The following FAM25C variants were observed in gnomAD, a reference collection of about 807,000 sequenced individuals.
FAM25C encodes protein FAM25C.
FAM25C carries 4 observed loss-of-function variants against 9.6 expected under a neutral mutation model. That is an observed-to-expected ratio of 0.42 (90% CI 0.20 to 0.95). The LOEUF is 0.95. Ranked by LOEUF, FAM25C falls within the 40% of genes least tolerant of loss-of-function variation. The pLI, the probability that FAM25C is intolerant of heterozygous loss-of-function variation, is 0.31. For synonymous variants in FAM25C, 23 were observed against 44.1 expected, an observed-to-expected ratio of 0.52 and a Z score of 1.89; for missense variants, 38 against 110.4, an observed-to-expected ratio of 0.34 and a Z score of 2.94.
intron 2 of FAM25C, among the ~76,000 whole-genome samples, chr10:47,996,321 G>GTTTGTT (rs1842799735): frequency 7.9e-6 from 1 of 126,974 alleles, no homozygotes; most frequent in Non-Finnish European, 1.7e-5. Flanking sequence ...CCAGTTTATG[G>GTTTGTT]TTTGTTTTTG....
intron 1 of FAM25C, among the ~76,000 whole-genome samples, chr10:47,997,946 G>A (rs1216023532): frequency 7.4e-5 from 11 of 148,172 alleles, no homozygotes; most frequent in African/African-American, 2.7e-4. Flanking sequence ...TCCTAGATGG[G>A]GCTCTGGGAT....
chr10:47,998,873 A>G (rs1249762034), intron 1 of FAM25C, among the ~76,000 whole-genome samples: 1 of 116,474 alleles, frequency 8.6e-6, no homozygotes, highest in Non-Finnish European at 1.9e-5. Flanking sequence ...AAACTCAGGC[A>G]AGACTTTTTC....
intron 1 of FAM25C, among the ~76,000 whole-genome samples, chr10:47,998,701 G>A (rs1842841200): frequency 7.2e-6 from 1 of 138,378 alleles, no homozygotes; most frequent in African/African-American, 2.6e-5. Context: ...GAGCCAGCAA[G>A]TCTAGCAAGC....
At chr10:47,997,832 C>T in intron 1 of FAM25C, 93 bp from the exon 2 acceptor site, 1 of 1,271,900 alleles carries the variant, frequency 7.9e-7, no homozygotes, top group South Asian at 1.3e-5. Context: ...CCGCTGCCCT[C>T]CCAGTCCAGG....
chr10:47,996,916 C>T (rs1205288504), intron 2 of FAM25C, among the ~76,000 whole-genome samples: 7 of 133,482 alleles, frequency 5.2e-5, no homozygotes, highest in African/African-American at 2.0e-4. Flanking sequence ...ACTGCAAGCT[C>T]CACCTTCCAG....
intron 2 of FAM25C, among the ~76,000 whole-genome samples, chr10:47,997,067 C>T (rs1555256584): frequency 6.7e-6 from 1 of 149,108 alleles, no homozygotes; most frequent in African/African-American, 2.5e-5. Flanking sequence ...GATCCGCCCA[C>T]CTCAGCCTCC....
chr10:47,995,475 C>T lies in FAM25C; in HGVS notation c.173G>A (p.Gly58Glu), dbSNP rs1842788327. The change falls in exon 3 of 3, where the codon GGG (glycine) becomes GAG (glutamate). Residue 58 changes from glycine to glutamate, a missense_variant. By Grantham distance (98) the Gly-to-Glu change is moderately conservative. This residue lies in a region of FAM25C where 30 missense variants were observed against 53.0 expected (regional missense o/e 0.57). Transcript: ENST00000617224. ...AEAIKKAQES[G>E]DKKMKEITET... ...GGTGATTTCCTTCATCTTTTTGTCC[C>T]CTGACTCCTGGGCTTTCTTTATGGC... 6.5e-7 allele frequency: 1 copy of T among 1,533,382 alleles called. No individual in the cohort carries two copies. Among genetic ancestry groups the T allele is most frequent in the East Asian group, 2.4e-5 (1 of 40,896 alleles). The allele number at this position is 1,533,382 out of a possible 1,614,324, so 95.0% of individuals were successfully genotyped here.
rs549335119 is a variant in FAM25C at position 47,995,357 on chromosome 10, G to T, written c.*21C>A. The T allele has an allele frequency of 1.2e-3, 1,699 of 1,465,210 alleles. 1 individual carries two copies. The highest frequency in any genetic ancestry group is 7.2e-3 in the Middle Eastern group (30 of 4,186). 90.8% of individuals were successfully genotyped at this position (1,465,210 alleles called of 1,614,324 possible). ...ATGGCTTTTTATTGAGACTGGGGAA[G>T]GGCCGTGGTAGCAGGTGCACTCACT... On this transcript the variant is annotated 3_prime_UTR_variant, in exon 3 of 3. Coordinates refer to ENST00000617224, the MANE Select transcript of FAM25C (RefSeq NM_001137548.3).
intron 2 of FAM25C, among the ~76,000 whole-genome samples, chr10:47,997,174 T>C (rs1261323184): frequency 1.4e-5 from 2 of 147,466 alleles, no homozygotes; most frequent in African/African-American, 5.0e-5. Flanking sequence ...AGTGGCATGA[T>C]CTAGGCTCAC....
intron 1 of FAM25C, among the ~76,000 whole-genome samples, 186 bp from the exon 2 acceptor site, chr10:47,997,925 A>C (rs1181803239): frequency 6.8e-6 from 1 of 146,580 alleles, no homozygotes; most frequent in Non-Finnish European, 1.5e-5. Flanking sequence ...AGACCTATAC[A>C]TCCCTGGGCA....
chr10:47,996,974 G>T (rs2132304302), intron 2 of FAM25C, among the ~76,000 whole-genome samples: 1 of 141,258 alleles, frequency 7.1e-6, no homozygotes, highest in East Asian at 2.1e-4. Context: ...TAGGACTACA[G>T]GTGCCCGCCA....
Position 47,995,328 on chromosome 10 carries a change from T to A in FAM25C, c.*50A>T. ...ATAAATCCAGCGCTCAATGTACACATGTCATGGCTTTTTATTGAGACTGGG... is the reference window on the plus strand; with the variant it reads ...ATAAATCCAGCGCTCAATGTACACAAGTCATGGCTTTTTATTGAGACTGGG... On this transcript the variant is annotated 3_prime_UTR_variant, in exon 3 of 3. Transcript: ENST00000617224. The A allele has an allele frequency of 7.7e-7, 1 of 1,306,342 alleles. No homozygotes were observed. Among genetic ancestry groups the A allele is most frequent in the Non-Finnish European group, 1.1e-6 (1 of 947,164 alleles). The allele number at this position is 1,306,342 out of a possible 1,614,324, so 80.9% of individuals were successfully genotyped here.
rs1205693028 is a variant in FAM25C, at chr10:47,997,331, G to A, written c.136+346C>T. On this transcript the variant is annotated intron_variant, in intron 2 of 2. Transcript: ENST00000617224. ...TCACCGTGTTAGCCAGGATGGTCTCGATCTCCTGACCTCGTGATCCGCCCT... is the reference window on the plus strand; with the variant it reads ...TCACCGTGTTAGCCAGGATGGTCTCAATCTCCTGACCTCGTGATCCGCCCT... Among the ~76,000 whole-genome samples, 42 of 150,942 alleles carry A rather than the reference G, an allele frequency of 2.8e-4. 2 individuals carry two copies. The highest frequency in any genetic ancestry group is 5.8e-4 in the East Asian group (3 of 5,156).
At chr10:47,997,299 CG>C (rs1336817090) in intron 2 of FAM25C, among the ~76,000 whole-genome samples, 1 of 145,202 alleles carries the variant, frequency 6.9e-6, no homozygotes, top group African/African-American at 2.6e-5. Context: ...TTAGTAGAGA[CG>C]GGGTTTCACC....
At chr10:47,997,440 C>T (rs1269166187) in intron 2 of FAM25C, among the ~76,000 whole-genome samples, 1 of 151,852 alleles carries the variant, frequency 6.6e-6, no homozygotes, top group Non-Finnish European at 1.5e-5. Flanking sequence ...TGTGCTGTCA[C>T]ATAGTCTTGT....
intron 2 of FAM25C, among the ~76,000 whole-genome samples, chr10:47,996,816 G>A (rs1380943036): frequency 9.2e-6 from 1 of 108,606 alleles, no homozygotes; most frequent in Admixed American, 9.4e-5. Context: ...AATTTTACAT[G>A]TTAATTTTTT....
At chr10:47,998,583 A>C in intron 1 of FAM25C, among the ~76,000 whole-genome samples, 1 of 108,716 alleles carries the variant, frequency 9.2e-6, no homozygotes, top group East Asian at 2.4e-4. Context: ...TTTATTGGTG[A>C]TCTAACAAAG....
rs1215057866 is a variant in FAM25C, at chr10:47,998,777, C to A, written c.73+916G>T. Among the ~76,000 whole-genome samples, 11 of 143,144 alleles carry A rather than the reference C, an allele frequency of 7.7e-5. 1 individual carries two copies. Among genetic ancestry groups the A allele is most frequent in the African/African-American group, 2.9e-4 (11 of 38,344 alleles). The allele number at this position is 143,144 out of a possible 152,430, so 93.9% of individuals were successfully genotyped here. A position where few individuals can be genotyped will look rare whatever the true frequency, so the allele number is the denominator to read the frequency against. The stretch of plus-strand genomic sequence containing the variant: ...ACAGGAATCATAGAAAACTCAGAGG[C>A]TAGTGAAAGGTTAAAGCAGGTGGTC... On this transcript the variant is annotated intron_variant, in intron 1 of 2. Transcript: ENST00000617224.
At chr10:47,997,423 G>C (rs1555256618) in intron 2 of FAM25C, among the ~76,000 whole-genome samples, 1 of 151,820 alleles carries the variant, frequency 6.6e-6, no homozygotes. Flanking sequence ...TAAATGTTTT[G>C]TCCCAGTGTG....
Sources: gnomAD v4.1 joint callset for allele counts (sites outside exome capture counted in the v4.1 genomes callset) on GRCh38, gnomAD v4.1.1 for gene constraint, gnomAD v4.1.1 regional missense constraint, MANE v1.5 for transcripts, NCBI Gene and HGNC (gene_info 2026-07-23, HGNC 2026-07-21) for gene names.